The following RPS4X variants were observed in gnomAD, a reference collection of about 807,000 sequenced individuals.
RPS4X encodes small ribosomal subunit protein eS4, X isoform.
For synonymous variants in RPS4X, 76 were observed against 76.8 expected (o/e 0.99, Z 0.06); for missense variants, 90 against 219.1 (o/e 0.41, Z 3.72).
intron 4 of RPS4X, 107 bp from the exon 5 acceptor site, chrX:72,274,079 G>A (rs186701296): frequency 3.6e-5 from 25 of 696,659 alleles, no homozygotes; most frequent in Non-Finnish European, 5.5e-5. Context: ...TTGTGACGCT[G>A]ATCGTTCTTT....
intron 5 of RPS4X, 106 bp downstream of exon 5, chrX:72,273,695 T>C (rs1261687790): frequency 9.1e-6 from 6 of 656,131 alleles, no homozygotes; most frequent in Admixed American, 3.4e-5. Flanking sequence ...TAAACACACC[T>C]GGGCGATTGG....
At position 72,272,573 on chromosome X, in the gene RPS4X, T is replaced by TA. The variant is rs941983223; in HGVS notation, c.*97dup. 0.034 allele frequency: 12,830 copies of TA among 371,964 alleles called. 26 individuals carry two copies. The highest frequency in any genetic ancestry group is 0.051 in the African/African-American group (1,819 of 35,561). The allele number at this position is 371,964 out of a possible 1,213,427, so 30.7% of individuals were successfully genotyped here. A position where few individuals can be genotyped will look rare whatever the true frequency, so the allele number is the denominator to read the frequency against. ...ACAGTAAAATAGCAGGAAACTGAAT[T>TA]AAAAAAAAAAACAACCCACAAAACC... On this transcript the variant is annotated 3_prime_UTR_variant, in exon 7 of 7. Coordinates refer to ENST00000316084, the MANE Select transcript of RPS4X (RefSeq NM_001007.5).
chrX:72,272,978 G>A (rs1394009161), intron 6 of RPS4X, among the ~76,000 whole-genome samples: 1 of 111,991 alleles, frequency 8.9e-6, no homozygotes, highest in African/African-American at 3.2e-5. Context: ...GAAACTCACC[G>A]TATGCCCTTC....
intron 4 of RPS4X, chrX:72,274,558 A>G: frequency 3.2e-6 from 1 of 309,561 alleles, no homozygotes; most frequent in South Asian, 3.1e-5. Flanking sequence ...TAAATAATCA[A>G]AGACTGTAAT....
In RPS4X at chrX:72,272,365, A is replaced by T; in HGVS notation, c.*306T>A. 4.2e-6 allele frequency: 1 copy of T among 238,586 alleles called. No homozygotes were observed. The highest frequency in any genetic ancestry group is 7.5e-6 in the Non-Finnish European group (1 of 133,611). The allele number at this position is 238,586 out of a possible 1,213,427, so 19.7% of individuals were successfully genotyped here. A position where few individuals can be genotyped will look rare whatever the true frequency, so the allele number is the denominator to read the frequency against. On this transcript the variant is annotated 3_prime_UTR_variant, in exon 7 of 7. Transcript: ENST00000316084. ...GGGCAGAGGGGTCCACTGTGTAGAG[A>T]AGTTCTTGGCCAAGTCAAGGCGGGG... is the stretch of plus-strand genomic sequence containing the variant.
In RPS4X at chrX:72,273,802, A is replaced by G. The variant is rs1261804541; in HGVS notation, c.531T>C (p.Thr177=). The change falls in exon 5 of 7, where the codon ACT becomes ACC. Residue 177 remains threonine, a splice_region_variant and synonymous_variant. Coordinates refer to ENST00000316084, the MANE Select transcript of RPS4X (RefSeq NM_001007.5). ...GKITDFIKFD[T]GNLCMVTGGA... Reference sequence around the variant, plus strand: ...CCAGGTAGCACAGAGGATGCTTACCAGTGTCGAACTTGATGAAATCAGTAA... The same window carrying G: ...CCAGGTAGCACAGAGGATGCTTACCGGTGTCGAACTTGATGAAATCAGTAA... 8.3e-7 allele frequency: 1 copy of G among 1,207,726 alleles called. No individual in the cohort carries two copies. The highest frequency in any genetic ancestry group is 3.0e-5 in the East Asian group (1 of 33,822).
chrX:72,272,860 A>G, intron 6 of RPS4X, 88 bp from the exon 7 acceptor site: 1 of 626,578 alleles, frequency 1.6e-6, no homozygotes, highest in Admixed American at 2.9e-5. Context: ...CTCACTTAAC[A>G]GAACTGAAGC....
At position 72,273,289 on chromosome X, in the gene RPS4X, T is replaced by C. The variant is rs895176302; in HGVS notation, c.633A>G (p.Lys211=). The change falls in exon 6 of 7, where the codon AAA becomes AAG. Residue 211 remains lysine (K), a synonymous_variant. Coordinates refer to ENST00000316084, the MANE Select transcript of RPS4X (RefSeq NM_001007.5). The part of the protein sequence containing the change: ...HPGSFDVVHV[K]DANGNSFATR... ...TGGCAAAGCTGTTGCCATTGGCATC[T>C]TTCACGTGAACCACGTCAAAAGATC... is the stretch of plus-strand genomic sequence containing the variant. The C allele has an allele frequency of 1.7e-6, 2 of 1,211,297 alleles. No homozygotes were observed.
Position 72,276,166 on chromosome X carries a change from G to A in RPS4X, c.72C>T (p.Thr24=), listed in dbSNP as rs1325890967. ...TATATAAGATACTTACAAACACACC[G>A]GTCAATTTATCCAGCATCCAATGCT... ...APKHWMLDKL[T]GVFAPRPSTG... Residue 24 remains threonine (T), a synonymous_variant, in exon 2 of 7, where the codon ACC becomes ACT. Coordinates refer to ENST00000316084, the MANE Select transcript of RPS4X (RefSeq NM_001007.5). The A allele has an allele frequency of 1.2e-5, 14 of 1,204,540 alleles. No individual in the cohort carries two copies. The highest frequency in any genetic ancestry group is 3.5e-5 in the African/African-American group (2 of 56,948).
rs1166304927 is a variant in RPS4X, at chrX:72,272,432, G to GGTTAGTTGCT, written c.*229_*238dup. The GGTTAGTTGCT allele has an allele frequency of 1.2e-5, 4 of 326,949 alleles. No homozygotes were observed. The highest frequency in any genetic ancestry group is 2.1e-5 in the Non-Finnish European group (4 of 188,860). The allele number at this position is 326,949 out of a possible 1,213,427, so 26.9% of individuals were successfully genotyped here. A position where few individuals can be genotyped will look rare whatever the true frequency, so the allele number is the denominator to read the frequency against. ...GATTTCTTGGCTCTTTCTACTCCTT[G>GGTTAGTTGCT]GTTAGTTGCTGTTCCTTTCCCAAGT... is the stretch of plus-strand genomic sequence containing the variant. On this transcript the variant is annotated 3_prime_UTR_variant, in exon 7 of 7. Transcript: ENST00000316084.
rs2043187714 is a variant in RPS4X, at chrX:72,273,215, G to A, written c.690+17C>T. ...ACATATTTCCTCAGACTAGAGAGAA[G>A]GAAAACCCAGACTTACCTTGCCAAT... On this transcript the variant is annotated intron_variant, in intron 6 of 6. Transcript: ENST00000316084. 1 of 1,194,979 alleles carries A rather than the reference G, an allele frequency of 8.4e-7. No homozygotes were observed. Among genetic ancestry groups the A allele is most frequent in the African/African-American group, 1.8e-5 (1 of 56,745 alleles).
chrX:72,274,982 C>T (rs745618498), intron 4 of RPS4X, 71 bp downstream of exon 4: 2 of 647,069 alleles, frequency 3.1e-6, no homozygotes, highest in Non-Finnish European at 5.1e-6. Context: ...AAGCAGCACT[C>T]GTACTCAATG....
chrX:72,272,542 T>C lies in RPS4X; in HGVS notation c.*129A>G. The C allele has an allele frequency of 2.2e-6, 1 of 462,068 alleles. No homozygotes were observed. The highest frequency in any genetic ancestry group is 3.7e-6 in the Non-Finnish European group (1 of 268,224). 38.1% of individuals were successfully genotyped at this position (462,068 alleles called of 1,213,427 possible). A position where few individuals can be genotyped will look rare whatever the true frequency, so the allele number is the denominator to read the frequency against. ...TGCCTGAGAACTTAATCACTGTTCATGTTATACAGTAAAATAGCAGGAAAC... is the reference window on the plus strand; with the variant it reads ...TGCCTGAGAACTTAATCACTGTTCACGTTATACAGTAAAATAGCAGGAAAC... On this transcript the variant is annotated 3_prime_UTR_variant, in exon 7 of 7. Transcript: ENST00000316084.
intron 4 of RPS4X, chrX:72,274,409 G>A (rs777082783): frequency 2.9e-6 from 1 of 343,542 alleles, no homozygotes; most frequent in Non-Finnish European, 5.8e-6. Flanking sequence ...CCCACTGGAC[G>A]TGCCCTCCAG....
intron 6 of RPS4X, 111 bp from the exon 7 acceptor site, chrX:72,272,883 G>A: frequency 1.8e-6 from 1 of 542,420 alleles, no homozygotes; most frequent in Non-Finnish European, 3.1e-6. Context: ...GTTTGTGAGA[G>A]TGCTTGGCAT....
intron 4 of RPS4X, chrX:72,274,511 C>G: frequency 3.0e-6 from 1 of 331,987 alleles, no homozygotes; most frequent in South Asian, 2.8e-5. Context: ...CCAAACAGCC[C>G]TAAACTTTTG....
At position 72,272,499 on chromosome X, in the gene RPS4X, T is replaced by C. The variant is rs1272805247; in HGVS notation, c.*172A>G. The C allele has an allele frequency of 5.3e-6, 2 of 380,478 alleles. No individual in the cohort carries two copies. Among genetic ancestry groups the C allele is most frequent in the African/African-American group, 5.2e-5 (2 of 38,164 alleles). The allele number at this position is 380,478 out of a possible 1,213,427, so 31.4% of individuals were successfully genotyped here. A position where few individuals can be genotyped will look rare whatever the true frequency, so the allele number is the denominator to read the frequency against. The stretch of plus-strand genomic sequence containing the variant: ...CCCACCACTAACTAAGCCCAGCCAA[T>C]AACAGACTGCCTAAGCCTGCCTGAG... On this transcript the variant is annotated 3_prime_UTR_variant, in exon 7 of 7. Coordinates refer to ENST00000316084, the MANE Select transcript of RPS4X (RefSeq NM_001007.5).
chrX:72,274,378 G>A, intron 4 of RPS4X: 2 of 342,765 alleles, frequency 5.8e-6, no homozygotes, highest in South Asian at 2.7e-5. Context: ...TATCCTTGAA[G>A]TAAATCAAAT....
chrX:72,275,176 T>G, intron 3 of RPS4X, 26 bp from the exon 4 acceptor site: 1 of 1,027,957 alleles, frequency 9.7e-7, no homozygotes, highest in South Asian at 1.9e-5. Flanking sequence ...AACCGGTTAC[T>G]ACATACAGTG....
Sources: allele counts gnomAD v4.1 joint callset (sites outside exome capture counted in the v4.1 genomes callset), GRCh38; gene constraint gnomAD v4.1.1; transcripts MANE v1.5; gene names NCBI Gene and HGNC (gene_info 2026-07-23, HGNC 2026-07-21).